SHISA9: variants seen among roughly 807,000 people sequenced by gnomAD.
SHISA9 encodes the protein shisa family member 9, also known as protein shisa-9.
In SHISA9, 13 loss-of-function variants were observed where a neutral mutation model predicts 38.0. The ratio of observed to expected loss-of-function variants is 0.34; its 90% CI spans 0.22 to 0.54. The LOEUF is 0.54. Ranked by LOEUF, SHISA9 falls within the 20% of genes least tolerant of loss-of-function variation. The probability of loss-of-function intolerance (pLI) is 0.91; values close to 1 mark genes in which losing one functional copy is unlikely to be tolerated. For missense variants in SHISA9, 538 were observed against 575.8 expected, an observed-to-expected ratio of 0.93 and a Z score of 0.67; for synonymous variants, 275 against 242.0, an observed-to-expected ratio of 1.14 and a Z score of -1.27.
chr16:13,386,498 A>T, the SHISA9 span, among the ~76,000 whole-genome samples: 1 of 152,228 alleles, frequency 6.6e-6, no homozygotes, highest in African/African-American at 2.4e-5. Flanking sequence ...CTTCCTCTTC[A>T]TAAAACAGGA....
At chr16:13,476,136 C>T in the SHISA9 span, among the ~76,000 whole-genome samples, 1 of 152,234 alleles carries the variant, frequency 6.6e-6, no homozygotes, top group East Asian at 1.9e-4. Flanking sequence ...ATTGACCCTT[C>T]TGGTCTTAAA....
chr16:13,203,667 T>C (rs1249465326), intron 3 of SHISA9, 118 bp downstream of exon 3: 1 of 1,137,452 alleles, frequency 8.8e-7, no homozygotes, highest in Non-Finnish European at 1.2e-6. Context: ...CTCTCTTTTT[T>C]TCTCTTTCTG....
chr16:13,554,492 TTTTC>T, the SHISA9 span, among the ~76,000 whole-genome samples: 4 of 150,668 alleles, frequency 2.7e-5, no homozygotes, highest in East Asian at 7.8e-4. Context: ...TCCTTTTTTT[TTTTC>T]TTTTTCTTTT....
chr16:13,008,729 C>G (rs1215184424), intron 2 of SHISA9, among the ~76,000 whole-genome samples: 1 of 144,892 alleles, frequency 6.9e-6, no homozygotes, highest in Non-Finnish European at 1.5e-5. Flanking sequence ...CTTGCTTCCC[C>G]TTTACCTTCC....
rs1429674175 is a variant in SHISA9 at position 13,239,867 on chromosome 16, CT to C, written c.*4459del. On this transcript the variant is annotated 3_prime_UTR_variant, in exon 5 of 5. Transcript: ENST00000558583. The stretch of plus-strand genomic sequence containing the variant: ...GATCCCATTTGTCAATTTTGGCTTC[CT>C]CTTGGGAGGGTAGACAGACCTCACA... 1 of 152,118 alleles carries C rather than the reference CT, an allele frequency of 6.6e-6. No individual in the cohort carries two copies. The highest frequency in any genetic ancestry group is 1.5e-5 in the Non-Finnish European group (1 of 68,046). 9.4% of individuals were successfully genotyped at this position (152,118 alleles called of 1,614,324 possible).
At chr16:13,073,957 G>GT (rs11442270) in intron 2 of SHISA9, among the ~76,000 whole-genome samples, 41,622 of 102,706 alleles carry the variant, frequency 0.41, 6,721 homozygotes, top group Middle Eastern at 0.48. Flanking sequence ...TCTGCTGGTC[G>GT]TTTTTTTTTT....
At chr16:13,522,767 T>A in the SHISA9 span, among the ~76,000 whole-genome samples, 2 of 152,100 alleles carry the variant, frequency 1.3e-5, no homozygotes, top group Non-Finnish European at 2.9e-5. Flanking sequence ...CACTTTAAAT[T>A]AGTTCTTTAG....
chr16:13,215,917 T>A (rs1275029500), intron 4 of SHISA9, among the ~76,000 whole-genome samples: 2 of 152,136 alleles, frequency 1.3e-5, no homozygotes, highest in African/African-American at 4.8e-5. Flanking sequence ...CTGGGTGCGG[T>A]GTCTCACACC....
chr16:13,449,266 C>T, the SHISA9 span, among the ~76,000 whole-genome samples: 435 of 152,206 alleles, frequency 2.9e-3, 3 homozygotes, highest in African/African-American at 1.0e-2. Flanking sequence ...CCAAAATGTT[C>T]AAGGAATAGA....
intron 2 of SHISA9, among the ~76,000 whole-genome samples, chr16:12,941,775 C>T (rs926364912): frequency 7.9e-5 from 12 of 152,062 alleles, no homozygotes; most frequent in Admixed American, 7.2e-4. Context: ...CGCTTGAACC[C>T]GGGAGGTGGA....
At chr16:13,202,343 A>C (rs2051014045) in intron 2 of SHISA9, among the ~76,000 whole-genome samples, 1 of 130,576 alleles carries the variant, frequency 7.7e-6, no homozygotes, top group South Asian at 2.3e-4. Context: ...TCCACCTTCC[A>C]CCACACTGAA....
chr16:13,496,774 A>G, the SHISA9 span, among the ~76,000 whole-genome samples: 2 of 152,182 alleles, frequency 1.3e-5, no homozygotes, highest in Admixed American at 6.5e-5. Context: ...AGTAGAAATA[A>G]TAGAAATAAA....
chr16:13,089,712 C>G (rs1379288866), intron 2 of SHISA9, among the ~76,000 whole-genome samples: 4 of 151,974 alleles, frequency 2.6e-5, no homozygotes, highest in African/African-American at 7.3e-5. Context: ...ATTAGTCTTG[C>G]TAGTGGTCTA....
At chr16:13,133,231 A>C (rs16961199) in intron 2 of SHISA9, among the ~76,000 whole-genome samples, 20,645 of 152,106 alleles carry the variant, frequency 0.14, 1,764 homozygotes, top group East Asian at 0.24. Context: ...GTATAAAGGG[A>C]TTTTCATTGA....
At chr16:12,976,475 T>C (rs2072163355) in intron 2 of SHISA9, among the ~76,000 whole-genome samples, 1 of 152,180 alleles carries the variant, frequency 6.6e-6, no homozygotes, top group African/African-American at 2.4e-5. Flanking sequence ...CATCTTTAGC[T>C]TGAAAGGTTT....
At chr16:13,518,674 C>A in the SHISA9 span, among the ~76,000 whole-genome samples, 6 of 152,152 alleles carry the variant, frequency 3.9e-5, no homozygotes, top group Non-Finnish European at 8.8e-5. Context: ...CTTCTGTTTC[C>A]AAAAGTAGCA....
At chr16:13,031,439 G>A (rs1227785770) in intron 2 of SHISA9, among the ~76,000 whole-genome samples, 2 of 152,204 alleles carry the variant, frequency 1.3e-5, no homozygotes, top group African/African-American at 4.8e-5. Context: ...AGAGTGGCCA[G>A]TATGATACAG....
chr16:13,517,855 G>T, the SHISA9 span, among the ~76,000 whole-genome samples: 519 of 152,342 alleles, frequency 3.4e-3, 2 homozygotes, highest in Non-Finnish European at 5.2e-3. Context: ...CTAATGGAAG[G>T]TTAGTGAGTG....
the SHISA9 span, among the ~76,000 whole-genome samples, chr16:13,362,346 C>T: frequency 2.0e-5 from 3 of 151,796 alleles, no homozygotes; most frequent in South Asian, 2.1e-4. Flanking sequence ...GAGGATGACT[C>T]GAGCCCAGGG....
Sources: allele counts gnomAD v4.1 joint callset (sites outside exome capture counted in the v4.1 genomes callset), GRCh38; gene constraint gnomAD v4.1.1; transcripts MANE v1.5; gene names NCBI Gene and HGNC (gene_info 2026-07-23, HGNC 2026-07-21).